Variants in TRPM7 observed in about 807,000 individuals in gnomAD.
TRPM7 encodes LTRPC ion channel family member 7.
In TRPM7, 134 loss-of-function variants were observed where a neutral mutation model predicts 229.7. That is an observed-to-expected ratio of 0.58 (90% CI 0.51 to 0.67). TRPM7 has a LOEUF of 0.67. Among genes scored for constraint, TRPM7 ranks in the 30% least tolerant of loss-of-function variants. The pLI is 0.00. For synonymous variants in TRPM7, 699 were observed against 715.2 expected, an observed-to-expected ratio of 0.98 and a Z score of 0.36; for missense variants, 1,901 against 2,210.0, an observed-to-expected ratio of 0.86 and a Z score of 2.80.
chr15:50,603,490 G>A lies in TRPM7; in HGVS notation c.2988+1376C>T, dbSNP rs2059834416. ...CCCATGACAGGCCCCAGCGTGTGATGTTCCCCATTCCCCACCGTGTGTCCA... is the reference window on the plus strand; with the variant it reads ...CCCATGACAGGCCCCAGCGTGTGATATTCCCCATTCCCCACCGTGTGTCCA... On this transcript the variant is annotated intron_variant, in intron 21 of 38. Coordinates refer to ENST00000646667, the MANE Select transcript of TRPM7 (RefSeq NM_017672.6). Among the ~76,000 whole-genome samples the A allele has an allele frequency of 2.1e-5, 3 of 144,112 alleles. No homozygotes were observed. In the South Asian group the frequency reaches 6.8e-4, roughly 33 times the overall value. 94.5% of individuals were successfully genotyped at this position (144,112 alleles called of 152,430 possible).
At chr15:50,586,112 T>TG (rs1232003816) in intron 28 of TRPM7, among the ~76,000 whole-genome samples, 1 of 152,220 alleles carries the variant, frequency 6.6e-6, no homozygotes, top group African/African-American at 2.4e-5. Context: ...ATGATACAGA[T>TG]GAACAGATAC....
intron 14 of TRPM7, 131 bp downstream of exon 14, chr15:50,613,992 T>C (rs1448981194): frequency 1.1e-5 from 14 of 1,326,394 alleles, no homozygotes; most frequent in African/African-American, 1.5e-5. Context: ...ATATTTCTAA[T>C]TGCTCTTAGT....
At chr15:50,603,997 T>G (rs528895886) in intron 21 of TRPM7, 110 of 152,274 alleles carry the variant, frequency 7.2e-4, no homozygotes, top group African/African-American at 2.6e-3. Context: ...TTGTCTGCAT[T>G]TGCTGAAATT....
chr15:50,680,811 T>C (rs2062224964), intron 1 of TRPM7, among the ~76,000 whole-genome samples: 1 of 152,334 alleles, frequency 6.6e-6, no homozygotes, highest in South Asian at 2.1e-4. Context: ...AAAAGCCTTC[T>C]CCAAGTTTCT....
In TRPM7 at chr15:50,575,776, ATTTC is replaced by A. The variant is rs2054101946; in HGVS notation, c.4679_4682del (p.Arg1560IlefsTer3). ...TGCTCTGTGATAACCTCATCAAGTT[ATTTC>A]TTTCCACAGCTGCATAAAAATGAGA... On this transcript the variant is annotated frameshift_variant, in exon 33 of 39. Coordinates refer to ENST00000646667, the MANE Select transcript of TRPM7 (RefSeq NM_017672.6). LOFTEE classifies it high-confidence loss of function. 6.2e-7 allele frequency: 1 copy of A among 1,613,450 alleles called. No individual in the cohort carries two copies. The highest frequency in any genetic ancestry group is 1.1e-5 in the South Asian group (1 of 91,016).
In TRPM7 at chr15:50,643,530, G is replaced by C; in HGVS notation, c.345C>G (p.Thr115=). ...RAKYVRLSYD[T]KPEVILQLLL... is the part of the protein sequence containing the mutation. Reference sequence around the variant, plus strand: ...GAAGTTGCAGAATGACTTCAGGTTTGGTGTCATATGATAGCCTCACATACT... The same window carrying C: ...GAAGTTGCAGAATGACTTCAGGTTTCGTGTCATATGATAGCCTCACATACT... The change falls in exon 5 of 39, where the codon ACC becomes ACG. Residue 115 remains threonine, a synonymous_variant. Coordinates refer to ENST00000646667, the MANE Select transcript of TRPM7 (RefSeq NM_017672.6). The C allele has an allele frequency of 6.2e-7, 1 of 1,613,930 alleles. No homozygotes were observed. The highest frequency in any genetic ancestry group is 2.2e-5 in the East Asian group (1 of 44,856).
chr15:50,679,525 T>TATTATATATATGTGTATATATATA (rs2062190728), intron 1 of TRPM7, among the ~76,000 whole-genome samples: 5 of 48,878 alleles, frequency 1.0e-4, no homozygotes, highest in African/African-American at 3.6e-4. Flanking sequence ...TATATATATA[T>TATTATATATATGTGTATATATATA]ATATATATAT....
At chr15:50,681,427 G>C (rs574173782) in intron 1 of TRPM7, among the ~76,000 whole-genome samples, 1 of 152,268 alleles carries the variant, frequency 6.6e-6, no homozygotes, top group South Asian at 2.1e-4. Context: ...AGACTAGGAA[G>C]ACTATCATTT....
At chr15:50,570,687 A>T (rs2053838657) in intron 36 of TRPM7, among the ~76,000 whole-genome samples, 1 of 150,652 alleles carries the variant, frequency 6.6e-6, no homozygotes, top group Non-Finnish European at 1.5e-5. Flanking sequence ...TAAAAAAAAA[A>T]AAAAAAAAAA....
chr15:50,654,534 G>A (rs1402508644), intron 3 of TRPM7, among the ~76,000 whole-genome samples: 3 of 151,384 alleles, frequency 2.0e-5, no homozygotes, highest in East Asian at 3.8e-4. Context: ...GCAAATGTTG[G>A]AATCAGTAGA....
intron 12 of TRPM7, among the ~76,000 whole-genome samples, chr15:50,620,232 C>A (rs1412116788): frequency 6.6e-6 from 1 of 151,982 alleles, no homozygotes; most frequent in Admixed American, 6.6e-5. Flanking sequence ...GCATGCAGCC[C>A]AAGATGGCTT....
At chr15:50,647,766 C>G (rs972374458) in intron 4 of TRPM7, among the ~76,000 whole-genome samples, 1 of 151,964 alleles carries the variant, frequency 6.6e-6, no homozygotes, top group African/African-American at 2.4e-5. Flanking sequence ...AGAAAAAGAA[C>G]ATATAGTAGG....
chr15:50,569,604 G>C (rs1286015003), intron 38 of TRPM7, among the ~76,000 whole-genome samples: 2 of 152,084 alleles, frequency 1.3e-5, no homozygotes, highest in Non-Finnish European at 2.9e-5. Context: ...ACTCCATGAG[G>C]GCAGAGACAT....
chr15:50,631,835 C>A (rs1044008340), intron 9 of TRPM7, among the ~76,000 whole-genome samples: 1 of 152,118 alleles, frequency 6.6e-6, no homozygotes, highest in Non-Finnish European at 1.5e-5. Context: ...GATTCCTTAT[C>A]AGGGTAAATA....
intron 12 of TRPM7, among the ~76,000 whole-genome samples, chr15:50,623,139 T>C (rs1464114254): frequency 6.6e-6 from 1 of 151,522 alleles, no homozygotes; most frequent in African/African-American, 2.4e-5. Flanking sequence ...TTTGGCCGGG[T>C]GCAGTGGCTC....
intron 1 of TRPM7, among the ~76,000 whole-genome samples, chr15:50,685,882 T>C (rs1228251126): frequency 6.6e-6 from 1 of 152,152 alleles, no homozygotes; most frequent in East Asian, 1.9e-4. Flanking sequence ...CAGTACATTG[T>C]CTTGGTCCCC....
chr15:50,619,206 C>T (rs2060317417), intron 13 of TRPM7, among the ~76,000 whole-genome samples: 1 of 151,132 alleles, frequency 6.6e-6, no homozygotes, highest in African/African-American at 2.4e-5. Context: ...TGACCAGAAG[C>T]TCAACAGCTT....
At chr15:50,644,195 T>G (rs2061191627) in intron 4 of TRPM7, among the ~76,000 whole-genome samples, 1 of 152,218 alleles carries the variant, frequency 6.6e-6, no homozygotes, top group South Asian at 2.1e-4. Context: ...TTCTCCAGTT[T>G]AATTTTTGAA....
chr15:50,664,658 G>A (rs1441584637), intron 1 of TRPM7, among the ~76,000 whole-genome samples: 1 of 152,102 alleles, frequency 6.6e-6, no homozygotes, highest in Admixed American at 6.6e-5. Flanking sequence ...ATACTGAAAA[G>A]TCAATCAAAC....
Sources: allele counts gnomAD v4.1 joint callset (sites outside exome capture counted in the v4.1 genomes callset), GRCh38; gene constraint gnomAD v4.1.1; transcripts MANE v1.5; gene names NCBI Gene and HGNC (gene_info 2026-07-23, HGNC 2026-07-21).